The following KIDINS220 variants were observed in gnomAD, a reference collection of about 807,000 sequenced individuals.
The protein encoded by KIDINS220 is kinase D interacting substrate 220, also known as kinase D-interacting substrate of 220 kDa.
KIDINS220 carries 63 observed loss-of-function variants against 157.6 expected under a neutral mutation model. The observed-to-expected ratio is 0.40, with a 90% CI of 0.33 to 0.49. The LOEUF (loss-of-function observed/expected upper bound fraction) is 0.49, where lower values mean the gene tolerates loss of function less well. Among genes scored for constraint, KIDINS220 ranks in the 20% least tolerant of loss-of-function variants. The probability of loss-of-function intolerance (pLI) is 0.66; values close to 1 mark genes in which losing one functional copy is unlikely to be tolerated. For missense variants in KIDINS220, 1,772 were observed against 2,171.2 expected (o/e 0.82, Z 3.65); for synonymous variants, 732 against 783.6 (o/e 0.93, Z 1.10).
intron 2 of KIDINS220, among the ~76,000 whole-genome samples, chr2:8,821,053 T>C (rs939716232): frequency 5.3e-5 from 8 of 152,168 alleles, no homozygotes; most frequent in African/African-American, 9.7e-5. Flanking sequence ...GTTTTCTGTT[T>C]ACGCTCTGGG....
Position 8,736,884 on chromosome 2 carries a change from C to A in KIDINS220, c.3701G>T (p.Cys1234Phe). 2 of 1,614,130 alleles carry A rather than the reference C, an allele frequency of 1.2e-6. No homozygotes were observed. Among genetic ancestry groups the A allele is most frequent in the Non-Finnish European group, 1.7e-6 (2 of 1,180,002 alleles). ...GLDQSMLPQY[C>F]TTIKKANING... ...CTGCCTCACCTTTTTGATCGTGGTA[C>A]AATACTGAGGCAGCATACTCTGGTC... The change falls in exon 27 of 30, where the codon TGT becomes TTT. Residue 1234 changes from cysteine to phenylalanine, a missense_variant. Transcript: ENST00000256707.
intron 27 of KIDINS220, among the ~76,000 whole-genome samples, chr2:8,735,464 G>A (rs1248307031): frequency 5.3e-5 from 8 of 151,990 alleles, no homozygotes; most frequent in East Asian, 1.9e-4. Context: ...CCCAGGAGGC[G>A]GGAGGTTGCA....
At chr2:8,797,020 T>A (rs941138193) in intron 10 of KIDINS220, 151 bp from the exon 11 acceptor site, 17 of 660,218 alleles carry the variant, frequency 2.6e-5, no homozygotes, top group Non-Finnish European at 4.3e-5. Context: ...AACAAAAAAA[T>A]GCTTTTCCTT....
At chr2:8,755,501 AGAAG>A (rs1348838921) in intron 22 of KIDINS220, among the ~76,000 whole-genome samples, 1 of 152,250 alleles carries the variant, frequency 6.6e-6, no homozygotes, top group Non-Finnish European at 1.5e-5. Context: ...AAATATTTGT[AGAAG>A]GAATAAACTA....
chr2:8,829,944 C>A (rs182928406), intron 1 of KIDINS220, among the ~76,000 whole-genome samples: 23 of 151,832 alleles, frequency 1.5e-4, no homozygotes, highest in African/African-American at 5.6e-4. Context: ...CACCCCACAG[C>A]CCAGCCAAGC....
intron 22 of KIDINS220, among the ~76,000 whole-genome samples, chr2:8,754,707 A>G (rs533303074): frequency 6.8e-4 from 104 of 152,372 alleles, no homozygotes; most frequent in Admixed American, 3.3e-3. Flanking sequence ...CAGAAATTGC[A>G]TAAACTATTC....
chr2:8,730,670 C>A lies in KIDINS220; in HGVS notation c.*50G>T. The stretch of plus-strand genomic sequence containing the variant: ...GCGTGGATGGAGTCAAAATCCAGGA[C>A]AATTCTGTCATAAAGGTACAGTAAC... On this transcript the variant is annotated 3_prime_UTR_variant, in exon 30 of 30. Transcript: ENST00000256707. The A allele has an allele frequency of 1.9e-6, 3 of 1,557,318 alleles. No homozygotes were observed. Among genetic ancestry groups the A allele is most frequent in the Non-Finnish European group, 2.6e-6 (3 of 1,157,704 alleles).
rs887462065 is a variant in KIDINS220, at chr2:8,754,718, A to G, written c.3012-3074T>C. On this transcript the variant is annotated intron_variant, in intron 22 of 29. Coordinates refer to ENST00000256707, the MANE Select transcript of KIDINS220 (RefSeq NM_020738.4). ...TTGGCAGAAATTGCATAAACTATTCATATCACTTCCATTCAAAATGAGGTT... is the reference window on the plus strand; with the variant it reads ...TTGGCAGAAATTGCATAAACTATTCGTATCACTTCCATTCAAAATGAGGTT... Among the ~76,000 whole-genome samples, 4 of 152,238 alleles carry G rather than the reference A, an allele frequency of 2.6e-5. No homozygotes were observed. In the East Asian group the frequency reaches 7.7e-4, roughly 29 times the overall value.
chr2:8,834,844 G>C (rs945686569), intron 1 of KIDINS220, among the ~76,000 whole-genome samples: 5 of 152,098 alleles, frequency 3.3e-5, no homozygotes, highest in African/African-American at 9.7e-5. Context: ...TATGTATTTA[G>C]TTATTTATTT....
rs138720963 is a variant in KIDINS220 at position 8,765,014 on chromosome 2, C to G, written c.3011+5656G>C. 4.5e-3 allele frequency among the ~76,000 whole-genome samples: 678 copies of G among 151,848 alleles called. 5 individuals carry two copies. Among genetic ancestry groups the G allele is most frequent in the African/African-American group, 0.016 (646 of 41,158 alleles). ...ATAAAGGACTCATCTAATAAAGCCT[C>G]GAAGGATGGGGGGGCTTGGTAACAA... On this transcript the variant is annotated intron_variant, in intron 22 of 29. Coordinates refer to ENST00000256707, the MANE Select transcript of KIDINS220 (RefSeq NM_020738.4).
chr2:8,733,285 G>A (rs1460785220), intron 29 of KIDINS220, among the ~76,000 whole-genome samples, 159 bp downstream of exon 29: 1 of 152,204 alleles, frequency 6.6e-6, no homozygotes, highest in Non-Finnish European at 1.5e-5. Context: ...CCACATGGAT[G>A]CAGCTCCTTG....
intron 1 of KIDINS220, among the ~76,000 whole-genome samples, chr2:8,828,067 A>G (rs1679078831): frequency 6.6e-6 from 1 of 152,160 alleles, no homozygotes; most frequent in African/African-American, 2.4e-5. Flanking sequence ...GGGGTGCTCA[A>G]AGTAAAATCA....
intron 22 of KIDINS220, among the ~76,000 whole-genome samples, chr2:8,752,155 G>T (rs1301540825): frequency 6.6e-6 from 1 of 152,016 alleles, no homozygotes; most frequent in Non-Finnish European, 1.5e-5. Context: ...GGGTAGCTAA[G>T]ACTACAGGCT....
At position 8,793,410 on chromosome 2, in the gene KIDINS220, C is replaced by T. The variant is rs114315623; in HGVS notation, c.1276+400G>A. Among the ~76,000 whole-genome samples, 1,385 of 152,236 alleles carry T rather than the reference C, an allele frequency of 9.1e-3. 15 individuals carry two copies. The highest frequency in any genetic ancestry group is 0.011 in the Non-Finnish European group (760 of 68,010). ...ACTCAGGAGGCTGAGGTGGGAGCATCGCTTAAGCCCAGGAATTTGAGGTTG... is the reference window on the plus strand; with the variant it reads ...ACTCAGGAGGCTGAGGTGGGAGCATTGCTTAAGCCCAGGAATTTGAGGTTG... On this transcript the variant is annotated intron_variant, in intron 12 of 29. Coordinates refer to ENST00000256707, the MANE Select transcript of KIDINS220 (RefSeq NM_020738.4).
At chr2:8,816,850 G>A (rs1296331248) in intron 4 of KIDINS220, among the ~76,000 whole-genome samples, 2 of 152,256 alleles carry the variant, frequency 1.3e-5, no homozygotes, top group East Asian at 3.9e-4. Flanking sequence ...ATTGCACTTA[G>A]TTTTGAGAAC....
At position 8,736,991 on chromosome 2, in the gene KIDINS220, G is replaced by A. The variant is rs762783146; in HGVS notation, c.3594C>T (p.Gly1198=). Residue 1198 remains glycine (G), a synonymous_variant, in exon 27 of 30, where the codon GGC becomes GGT. Transcript: ENST00000256707. ...GTAATACCACTGGGCCTGGGGCTGG[G>A]CCTGACCCCTAGAGAAGTCAAGGAA... ...SSPTDSSRGS[G]PAPGPVVLLN... The A allele has an allele frequency of 6.2e-7, 1 of 1,614,092 alleles. No homozygotes were observed. The highest frequency in any genetic ancestry group is 1.7e-5 in the Admixed American group (1 of 60,016).
chr2:8,781,153 A>ATATATATATAAT (rs70946383), intron 17 of KIDINS220, among the ~76,000 whole-genome samples: 5 of 130,410 alleles, frequency 3.8e-5, no homozygotes, highest in African/African-American at 1.4e-4. Flanking sequence ...ATATATATAT[A>ATATATATATAAT]ATATATATAT....
In KIDINS220 at chr2:8,731,277, C is replaced by G. The variant is rs750646311; in HGVS notation, c.4759G>C (p.Gly1587Arg). 4.3e-6 allele frequency: 7 copies of G among 1,613,976 alleles called. No homozygotes were observed. Among genetic ancestry groups the G allele is most frequent in the Non-Finnish European group, 5.9e-6 (7 of 1,180,046 alleles). The change falls in exon 30 of 30, where the codon GGA becomes CGA. Residue 1587 changes from glycine to arginine, a missense_variant. Coordinates refer to ENST00000256707, the MANE Select transcript of KIDINS220 (RefSeq NM_020738.4). The surrounding 1 kb of genome is among the most constrained non-coding windows in gnomAD (Gnocchi z 5.2). ...LLDKKDSSDS[G>R]VRSSESSPNH... Reference sequence around the variant, plus strand: ...GGAGAACTTTCACTGGATCTCACTCCTGAATCCGATGAATCCTTTTTGTCA... The same window carrying G: ...GGAGAACTTTCACTGGATCTCACTCGTGAATCCGATGAATCCTTTTTGTCA...
At chr2:8,828,240 T>G (rs1679103335) in intron 1 of KIDINS220, among the ~76,000 whole-genome samples, 1 of 152,158 alleles carries the variant, frequency 6.6e-6, no homozygotes, top group African/African-American at 2.4e-5. Flanking sequence ...TCTGTCTGCC[T>G]AAAATTCTCT....
Sources: allele counts gnomAD v4.1 joint callset (sites outside exome capture counted in the v4.1 genomes callset), GRCh38; gene constraint gnomAD v4.1.1; non-coding constraint Gnocchi (gnomAD v3.1); transcripts MANE v1.5; gene names NCBI Gene and HGNC (gene_info 2026-07-23, HGNC 2026-07-21).